Variants in ANO3 observed in about 807,000 individuals in gnomAD.
ANO3 encodes anoctamin-3.
In ANO3, 99 loss-of-function variants were observed where a neutral mutation model predicts 144.8. That is an observed-to-expected ratio of 0.68 (90% confidence interval 0.58 to 0.81). ANO3 has a LOEUF of 0.81. Among genes scored for constraint, ANO3 ranks in the 30% least tolerant of loss-of-function variants. The pLI is 0.00. For synonymous variants in ANO3, 414 were observed against 392.6 expected (o/e 1.05, Z -0.64); for missense variants, 905 against 1,202.2 (o/e 0.75, Z 3.66).
At chr11:26,272,272 G>T (rs1292993278) in intron 1 of ANO3, among the ~76,000 whole-genome samples, 1 of 151,866 alleles carries the variant, frequency 6.6e-6, no homozygotes, top group Non-Finnish European at 1.5e-5. Context: ...ACAAGAAAAA[G>T]TTGAATTGCT....
chr11:26,506,416 CAATT>C lies in ANO3; in HGVS notation c.433-1685_433-1682del, dbSNP rs1255166885. ...CAATATTTACCTTCATGAGTTATGA[CAATT>C]AAATAACCTTATGAAGCACTTGGCA... On this transcript the variant is annotated intron_variant, in intron 4 of 26. Coordinates refer to ENST00000256737, the MANE Select transcript of ANO3 (RefSeq NM_031418.4). Among the ~76,000 whole-genome samples, 10 of 152,254 alleles carry C rather than the reference CAATT, an allele frequency of 6.6e-5. No individual in the cohort carries two copies. In the East Asian group the frequency reaches 1.9e-3, roughly 29 times the overall value.
chr11:26,531,717 A>G (rs1431261196), intron 8 of ANO3, among the ~76,000 whole-genome samples: 1 of 152,050 alleles, frequency 6.6e-6, no homozygotes, highest in Non-Finnish European at 1.5e-5. Flanking sequence ...TTATAATTAT[A>G]ATTGCTTCAA....
intron 1 of ANO3, among the ~76,000 whole-genome samples, chr11:26,245,111 C>G (rs753380819): frequency 6.6e-6 from 1 of 151,624 alleles, no homozygotes; most frequent in Non-Finnish European, 1.5e-5. Flanking sequence ...TCCCTATTAT[C>G]CCCTCTTTAT....
At chr11:26,391,054 G>A (rs1856864800) in intron 1 of ANO3, among the ~76,000 whole-genome samples, 1 of 152,076 alleles carries the variant, frequency 6.6e-6, no homozygotes, top group Non-Finnish European at 1.5e-5. Context: ...TTTGCCAACT[G>A]TCTTAGTTCA....
chr11:26,634,137 C>T, intron 18 of ANO3, 67 bp from the exon 19 acceptor site: 1 of 856,678 alleles, frequency 1.2e-6, no homozygotes, highest in South Asian at 2.0e-5. Context: ...GGGTTTCTGC[C>T]TCCATGTCCA....
intron 11 of ANO3, among the ~76,000 whole-genome samples, chr11:26,545,413 T>C (rs1484376187): frequency 2.0e-5 from 3 of 152,044 alleles, no homozygotes; most frequent in Non-Finnish European, 4.4e-5. Context: ...TAAAAATAAA[T>C]TTAAACATTT....
intron 20 of ANO3, among the ~76,000 whole-genome samples, chr11:26,637,872 C>T (rs1853013850): frequency 6.6e-6 from 1 of 152,146 alleles, no homozygotes; most frequent in African/African-American, 2.4e-5. Context: ...TCCTTATGAG[C>T]AGGACATGTA....
intron 14 of ANO3, among the ~76,000 whole-genome samples, chr11:26,595,459 T>TG (rs1554975323): frequency 8.3e-6 from 1 of 120,174 alleles, no homozygotes; most frequent in Non-Finnish European, 1.8e-5. Context: ...GAGATAGAGT[T>TG]GTTTTTTTTT....
intron 1 of ANO3, among the ~76,000 whole-genome samples, chr11:26,267,235 T>A (rs767687235): frequency 5.3e-5 from 8 of 151,932 alleles, no homozygotes; most frequent in African/African-American, 1.7e-4. Flanking sequence ...TGAAACTAAA[T>A]TTATCTGACA....
At chr11:26,418,918 G>C (rs1428487862) in intron 1 of ANO3, among the ~76,000 whole-genome samples, 3 of 152,118 alleles carry the variant, frequency 2.0e-5, no homozygotes, top group Non-Finnish European at 4.4e-5. Flanking sequence ...GTACCAAGGG[G>C]TGGGGCTCTA....
At chr11:26,479,284 T>C (rs1296593561) in intron 4 of ANO3, among the ~76,000 whole-genome samples, 1 of 152,234 alleles carries the variant, frequency 6.6e-6, no homozygotes, top group Non-Finnish European at 1.5e-5. Flanking sequence ...AGAGTCCTGA[T>C]TAATATAACT....
chr11:26,194,496 T>C (rs941499308), intron 1 of ANO3, among the ~76,000 whole-genome samples: 1 of 59,850 alleles, frequency 1.7e-5, no homozygotes, highest in Non-Finnish European at 3.5e-5. Flanking sequence ...GTATTATTTA[T>C]TTATTTATTT....
intron 4 of ANO3, among the ~76,000 whole-genome samples, chr11:26,476,413 G>A (rs575434113): frequency 6.6e-6 from 1 of 152,080 alleles, no homozygotes; most frequent in African/African-American, 2.4e-5. Flanking sequence ...GCAGAAGAGT[G>A]ACCTATGTGA....
intron 9 of ANO3, 26 bp downstream of exon 9, chr11:26,534,588 TAGAACTTGCTG>T: frequency 1.2e-5 from 18 of 1,479,370 alleles, no homozygotes; most frequent in Admixed American, 1.7e-5. Context: ...AATAACAGAG[TAGAACTTGCTG>T]TTACTATTTA....
At chr11:26,599,483 A>G in intron 16 of ANO3, 67 bp from the exon 17 acceptor site, 3 of 1,489,834 alleles carry the variant, frequency 2.0e-6, no homozygotes, top group Non-Finnish European at 2.8e-6. Context: ...GATTTGATCT[A>G]CGGTTTTGCT....
At chr11:26,282,925 T>C (rs553479300) in intron 1 of ANO3, among the ~76,000 whole-genome samples, 1 of 152,156 alleles carries the variant, frequency 6.6e-6, no homozygotes, top group African/African-American at 2.4e-5. Context: ...TATGTGTCTT[T>C]AGTAACTGCC....
At chr11:26,221,686 C>T (rs1852146265) in intron 1 of ANO3, among the ~76,000 whole-genome samples, 1 of 151,194 alleles carries the variant, frequency 6.6e-6, no homozygotes, top group Admixed American at 6.6e-5. Flanking sequence ...TTGGTGAAGC[C>T]TCAGGAAGAT....
chr11:26,498,788 A>C (rs1861072483), intron 4 of ANO3, among the ~76,000 whole-genome samples: 1 of 151,750 alleles, frequency 6.6e-6, no homozygotes, highest in Non-Finnish European at 1.5e-5. Flanking sequence ...TAGCTTTCCT[A>C]TGAATATTTT....
intron 1 of ANO3, among the ~76,000 whole-genome samples, chr11:26,422,869 T>C (rs1158443161): frequency 6.6e-6 from 1 of 151,998 alleles, no homozygotes; most frequent in Non-Finnish European, 1.5e-5. Flanking sequence ...AACTTTGTAC[T>C]CTGAGAACAT....
Sources: gnomAD v4.1 joint callset for allele counts (sites outside exome capture counted in the v4.1 genomes callset) on GRCh38, gnomAD v4.1.1 for gene constraint, MANE v1.5 for transcripts, NCBI Gene and HGNC (gene_info 2026-07-23, HGNC 2026-07-21) for gene names.